The following SGCG variants were observed in gnomAD, a reference collection of about 807,000 sequenced individuals.
SGCG encodes the protein gamma-sarcoglycan.
Under a neutral mutation model 29.3 loss-of-function variants are expected in SGCG, and 26 were observed. The ratio of observed to expected loss-of-function variants is 0.89; its 90% CI spans 0.65 to 1.23. The LOEUF is 1.23. Among genes scored for constraint, SGCG ranks in the 50% most tolerant of loss-of-function variants. The probability of loss-of-function intolerance (pLI) is 0.00; values close to 1 mark genes in which losing one functional copy is unlikely to be tolerated. For synonymous variants in SGCG, 145 were observed against 129.7 expected (o/e 1.12, Z -0.80); for missense variants, 353 against 356.0 (o/e 0.99, Z 0.07).
intron 4 of SGCG, among the ~76,000 whole-genome samples, chr13:23,275,669 C>T (rs540770432): frequency 6.6e-6 from 1 of 152,256 alleles, no homozygotes; most frequent in East Asian, 1.9e-4. Flanking sequence ...TATTTTATTT[C>T]ATTTTATTTT....
At chr13:23,324,280 C>A (rs1883148291) in intron 7 of SGCG, 88 bp from the exon 8 acceptor site, 8 of 1,283,228 alleles carry the variant, frequency 6.2e-6, no homozygotes, top group Non-Finnish European at 9.0e-6. Flanking sequence ...GGAGAAGAAA[C>A]TAATTGGAAA....
At chr13:23,316,426 A>G (rs749289982) in intron 6 of SGCG, among the ~76,000 whole-genome samples, 2 of 152,154 alleles carry the variant, frequency 1.3e-5, no homozygotes, top group Non-Finnish European at 2.9e-5. Context: ...ATGCTCATGG[A>G]ATTCACTGGT....
At chr13:23,212,905 G>A (rs550970136) in intron 2 of SGCG, among the ~76,000 whole-genome samples, 67 of 152,182 alleles carry the variant, frequency 4.4e-4, no homozygotes, top group African/African-American at 1.6e-3. Context: ...TCCTTGACTC[G>A]GATTTCACAT....
At chr13:23,259,327 C>T (rs1027420881) in intron 4 of SGCG, among the ~76,000 whole-genome samples, 4 of 152,050 alleles carry the variant, frequency 2.6e-5, no homozygotes, top group Admixed American at 6.6e-5. Context: ...GGTTTATTTG[C>T]GTAGAGGTGT....
intron 3 of SGCG, among the ~76,000 whole-genome samples, chr13:23,248,588 G>A (rs1879818009): frequency 2.6e-5 from 4 of 152,040 alleles, no homozygotes; most frequent in Admixed American, 1.3e-4. Flanking sequence ...CAGCTCTTCC[G>A]GAGGCTGAGG....
rs185171705 is a variant in SGCG, at chr13:23,200,916, G to A, written c.1-2779G>A. Among the ~76,000 whole-genome samples, 5 of 152,286 alleles carry A rather than the reference G, an allele frequency of 3.3e-5. 1 individual carries two copies. The highest frequency in any genetic ancestry group is 2.6e-4 in the Admixed American group (4 of 15,296). On this transcript the variant is annotated intron_variant, in intron 1 of 7. Coordinates refer to ENST00000218867, the MANE Select transcript of SGCG (RefSeq NM_000231.3). ...TTCCTGGAGCAGGAGGAGTCAGGGCGAGAGGGACTGGATGAAGGCAGAGAA... is the reference window on the plus strand; with the variant it reads ...TTCCTGGAGCAGGAGGAGTCAGGGCAAGAGGGACTGGATGAAGGCAGAGAA...
upstream of SGCG, among the ~76,000 whole-genome samples, chr13:23,176,057 G>A (rs1315233308): frequency 6.6e-6 from 1 of 152,078 alleles, no homozygotes; most frequent in Non-Finnish European, 1.5e-5. Flanking sequence ...ATTTCTGAAA[G>A]CTTTTAAAGT....
chr13:23,324,520 G>A lies in SGCG; in HGVS notation c.855G>A (p.Glu285=), dbSNP rs370309494. Reference sequence around the variant, plus strand: ...CCGGTGTGAGCACCACGTGCCAGGAGCACAACCACATCTGCCTCTGAGCTG... The same window carrying A: ...CCGGTGTGAGCACCACGTGCCAGGAACACAACCACATCTGCCTCTGAGCTG... The part of the protein sequence containing the change: ...SVAGVSTTCQ[E]HNHICL The change falls in exon 8 of 8, where the codon GAG becomes GAA. Residue 285 remains glutamate, a synonymous_variant. Transcript: ENST00000218867. 2 of 1,612,480 alleles carry A rather than the reference G, an allele frequency of 1.2e-6. No homozygotes were observed. Among genetic ancestry groups the A allele is most frequent in the Non-Finnish European group, 1.7e-6 (2 of 1,179,962 alleles).
intron 5 of SGCG, among the ~76,000 whole-genome samples, chr13:23,282,410 T>G (rs749506135): frequency 9.9e-5 from 15 of 152,166 alleles, no homozygotes; most frequent in Non-Finnish European, 1.8e-4. Flanking sequence ...GGGGGTTTGT[T>G]GTACAGATTA....
intron 4 of SGCG, among the ~76,000 whole-genome samples, chr13:23,271,859 C>T (rs1196645614): frequency 6.6e-6 from 1 of 152,046 alleles, no homozygotes; most frequent in African/African-American, 2.4e-5. Flanking sequence ...CAAATTTTTC[C>T]TCATATATTT....
rs556724485 is a variant in SGCG at position 23,183,584 on chromosome 13, GTGAC to G, written c.-1+2512_-1+2515del. ...AGGTCTATGAAGGAAAGAAAGGCAA[GTGAC>G]TGTTTACCTTTCCCATGAAAATCTT... On this transcript the variant is annotated intron_variant, in intron 1 of 7. Transcript: ENST00000218867. 3.5e-3 allele frequency among the ~76,000 whole-genome samples: 526 copies of G among 152,248 alleles called. 1 individual carries two copies. Among genetic ancestry groups the G allele is most frequent in the Non-Finnish European group, 5.6e-3 (378 of 68,014 alleles).
chr13:23,200,610 T>G (rs1593169309), intron 1 of SGCG, among the ~76,000 whole-genome samples: 1 of 152,176 alleles, frequency 6.6e-6, no homozygotes, highest in African/African-American at 2.4e-5. Flanking sequence ...AGGGTGAGCA[T>G]TTACAATAAA....
intron 1 of SGCG, among the ~76,000 whole-genome samples, chr13:23,194,214 T>G (rs901968272): frequency 4.6e-5 from 7 of 152,188 alleles, no homozygotes; most frequent in South Asian, 2.1e-4. Flanking sequence ...ACCTGTTTGG[T>G]GCAGAAGGAA....
At chr13:23,248,719 T>G (rs79121144) in intron 3 of SGCG, among the ~76,000 whole-genome samples, 3,128 of 140,532 alleles carry the variant, frequency 0.022, 118 homozygotes, top group Admixed American at 0.098. Context: ...AAGGCCGGGT[T>G]CGGTGGCTGA....
chr13:23,314,407 T>TATAA lies in SGCG; in HGVS notation c.579-6229_579-6228insTAAA, dbSNP rs1439124394. Among the ~76,000 whole-genome samples the TATAA allele has an allele frequency of 5.6e-3, 795 of 140,928 alleles. 12 individuals carry two copies. Among genetic ancestry groups the TATAA allele is most frequent in the Middle Eastern group, 0.019 (5 of 264 alleles). 92.5% of individuals were successfully genotyped at this position (140,928 alleles called of 152,430 possible). A position where few individuals can be genotyped will look rare whatever the true frequency, so the allele number is the denominator to read the frequency against. On this transcript the variant is annotated intron_variant, in intron 6 of 7. Transcript: ENST00000218867. The stretch of plus-strand genomic sequence containing the variant: ...TTATATATATATATATATATATATA[T>TATAA]AATCTTATTCTGTCCCTAATAAGAT...
intron 4 of SGCG, among the ~76,000 whole-genome samples, chr13:23,261,301 A>C (rs1421885168): frequency 1.3e-5 from 2 of 152,064 alleles, no homozygotes; most frequent in African/African-American, 4.8e-5. Flanking sequence ...GAGATAGATC[A>C]AAAAACAAAA....
At chr13:23,302,375 T>C (rs1593100195) in intron 6 of SGCG, among the ~76,000 whole-genome samples, 1 of 152,036 alleles carries the variant, frequency 6.6e-6, no homozygotes, top group South Asian at 2.1e-4. Flanking sequence ...ATAGCTGTAG[T>C]CACCCTACAG....
At chr13:23,175,279 A>G in the SGCG span, among the ~76,000 whole-genome samples, 8 of 152,188 alleles carry the variant, frequency 5.3e-5, no homozygotes, top group Non-Finnish European at 1.2e-4. Flanking sequence ...GTGACCTCAG[A>G]CACATGGAGG....
chr13:23,202,947 TAA>T (rs1870589909), intron 1 of SGCG, among the ~76,000 whole-genome samples: 2 of 152,130 alleles, frequency 1.3e-5, no homozygotes, highest in South Asian at 4.1e-4. Flanking sequence ...AATAATTTTT[TAA>T]GTTTTCTTTT....
Sources: gnomAD v4.1 joint callset for allele counts (sites outside exome capture counted in the v4.1 genomes callset) on GRCh38, gnomAD v4.1.1 for gene constraint, MANE v1.5 for transcripts, NCBI Gene and HGNC (gene_info 2026-07-23, HGNC 2026-07-21) for gene names.